PLCB1: variants seen among roughly 807,000 people sequenced by gnomAD.
PLCB1 encodes the protein 1-phosphatidylinositol 4,5-bisphosphate phosphodiesterase beta-1.
A neutral mutation model predicts 161.8 loss-of-function variants in PLCB1; 46 were observed. That is an observed-to-expected ratio of 0.28 (90% CI 0.22 to 0.36). PLCB1 has a LOEUF of 0.36. Ranked by LOEUF, PLCB1 falls within the 10% of genes least tolerant of loss-of-function variation. PLCB1 has a pLI of 1.00. For synonymous variants in PLCB1, 517 were observed against 503.7 expected, an observed-to-expected ratio of 1.03 and a Z score of -0.35; for missense variants, 1,016 against 1,472.5, an observed-to-expected ratio of 0.69 and a Z score of 5.07.
At chr20:8,347,074 G>A (rs540064939) in intron 2 of PLCB1, among the ~76,000 whole-genome samples, 8 of 152,294 alleles carry the variant, frequency 5.3e-5, no homozygotes, top group African/African-American at 1.2e-4. Context: ...CATATTCCCA[G>A]GATAGCCTTA....
At chr20:8,511,674 G>T (rs991453858) in intron 3 of PLCB1, among the ~76,000 whole-genome samples, 1 of 151,880 alleles carries the variant, frequency 6.6e-6, no homozygotes, top group Non-Finnish European at 1.5e-5. Flanking sequence ...CCACATTCTC[G>T]CCAACGTTCG....
chr20:8,834,857 A>G (rs1986213118), intron 31 of PLCB1, among the ~76,000 whole-genome samples: 1 of 151,626 alleles, frequency 6.6e-6, no homozygotes, highest in African/African-American at 2.4e-5. Context: ...GCTGTAGAAT[A>G]AAAAAGAACC....
intron 2 of PLCB1, among the ~76,000 whole-genome samples, chr20:8,309,024 AC>A (rs1392557265): frequency 3.9e-5 from 6 of 152,026 alleles, no homozygotes; most frequent in African/African-American, 1.4e-4. Context: ...GGGAAAAAAA[AC>A]ATTGTAAATT....
At chr20:8,661,970 T>TTATATAATTA (rs1377812427) in intron 9 of PLCB1, among the ~76,000 whole-genome samples, 22 of 125,984 alleles carry the variant, frequency 1.7e-4, no homozygotes, top group Non-Finnish European at 2.8e-4. Flanking sequence ...TAATTATTTA[T>TTATATAATTA]TATATAATTA....
chr20:8,672,229 A>C (rs994849463), intron 9 of PLCB1, among the ~76,000 whole-genome samples: 1 of 152,198 alleles, frequency 6.6e-6, no homozygotes, highest in Non-Finnish European at 1.5e-5. Flanking sequence ...CCATCTATAA[A>C]ATAGTCATAA....
chr20:8,180,938 AGTGT>A (rs10604975), intron 2 of PLCB1, among the ~76,000 whole-genome samples: 4,996 of 149,682 alleles, frequency 0.033, 172 homozygotes, highest in African/African-American at 0.091. Context: ...ATAATGTAAA[AGTGT>A]GTGTGTGTGT....
At chr20:8,665,632 CATA>C (rs1268698643) in intron 9 of PLCB1, among the ~76,000 whole-genome samples, 1 of 152,114 alleles carries the variant, frequency 6.6e-6, no homozygotes, top group Non-Finnish European at 1.5e-5. Flanking sequence ...TAATTATAGT[CATA>C]AGTGTAAGGA....
chr20:8,507,275 A>G (rs183498070), intron 3 of PLCB1, among the ~76,000 whole-genome samples: 66 of 152,300 alleles, frequency 4.3e-4, no homozygotes, highest in African/African-American at 1.6e-3. Flanking sequence ...AAGGCAGAAG[A>G]AAATCAGAAT....
At chr20:8,594,689 A>C (rs557138900) in intron 3 of PLCB1, among the ~76,000 whole-genome samples, 1,981 of 151,958 alleles carry the variant, frequency 0.013, 22 homozygotes, top group Non-Finnish European at 0.02. Flanking sequence ...AGGAAACCAA[A>C]AAAAAAAAAG....
chr20:8,195,466 A>G (rs893764964), intron 2 of PLCB1, among the ~76,000 whole-genome samples: 4 of 152,062 alleles, frequency 2.6e-5, no homozygotes, highest in Admixed American at 6.6e-5. Context: ...ATGGCTTTCT[A>G]TGAACCAGAA....
intron 23 of PLCB1, among the ~76,000 whole-genome samples, chr20:8,746,312 CA>C (rs1220507268): frequency 1.3e-5 from 2 of 152,040 alleles, no homozygotes; most frequent in African/African-American, 4.8e-5. Flanking sequence ...AGTGAAATAT[CA>C]TAACACTTTT....
intron 3 of PLCB1, among the ~76,000 whole-genome samples, chr20:8,582,817 T>C (rs1986874727): frequency 6.6e-6 from 1 of 151,798 alleles, no homozygotes; most frequent in African/African-American, 2.4e-5. Context: ...GTGAGACTCT[T>C]TCTCTACTAA....
intron 3 of PLCB1, among the ~76,000 whole-genome samples, chr20:8,539,629 T>TTTCTTTCTTTCC (rs1344474688): frequency 0.14 from 11,271 of 80,126 alleles, 1,167 homozygotes; most frequent in African/African-American, 0.25. Context: ...TCTTTCTTTC[T>TTTCTTTCTTTCC]TTCTTTCTTT....
At chr20:8,633,055 C>T (rs746246818) in intron 4 of PLCB1, among the ~76,000 whole-genome samples, 2 of 149,740 alleles carry the variant, frequency 1.3e-5, no homozygotes, top group African/African-American at 2.5e-5. Context: ...CTTAGACCAA[C>T]GTGGAATGTG....
In PLCB1 at chr20:8,707,048, G is replaced by T. The variant is rs139267078; in HGVS notation, c.1168-1622G>T. Among the ~76,000 whole-genome samples, 894 of 152,260 alleles carry T rather than the reference G, an allele frequency of 5.9e-3. 6 individuals are homozygous for T. Among genetic ancestry groups the T allele is most frequent in the Middle Eastern group, 0.02 (6 of 294 alleles). ...ATATAGCATTTAAAATCTGGATGTT[G>T]CTTGCCTTTTATAGTGCTTGCTTTT... On this transcript the variant is annotated intron_variant, in intron 11 of 31. Coordinates refer to ENST00000338037, the MANE Select transcript of PLCB1 (RefSeq NM_015192.4).
At chr20:8,316,879 A>T (rs1160759046) in intron 2 of PLCB1, among the ~76,000 whole-genome samples, 1 of 152,136 alleles carries the variant, frequency 6.6e-6, no homozygotes, top group African/African-American at 2.4e-5. Context: ...CACGGCATTT[A>T]TCACCTTCTC....
chr20:8,412,559 C>T (rs1979091016), intron 3 of PLCB1, among the ~76,000 whole-genome samples: 1 of 152,146 alleles, frequency 6.6e-6, no homozygotes, highest in African/African-American at 2.4e-5. Flanking sequence ...ACTAGCTAGG[C>T]CCTGTCTTAG....
At position 8,493,624 on chromosome 20, in the gene PLCB1, G is replaced by A. The variant is rs117717022; in HGVS notation, c.246+122174G>A. Among the ~76,000 whole-genome samples the A allele has an allele frequency of 4.0e-3, 603 of 150,536 alleles. 7 individuals carry two copies. Among genetic ancestry groups the A allele is most frequent in the Non-Finnish European group, 7.0e-3 (470 of 67,130 alleles). On this transcript the variant is annotated intron_variant, in intron 3 of 31. Transcript: ENST00000338037. ...GTAAAGTGAATTTTGAGAGTGCTGT[G>A]TGCTTTAGCATCACTGGAAGCTGAA...
intron 3 of PLCB1, among the ~76,000 whole-genome samples, chr20:8,444,606 T>A (rs1041196906): frequency 1.4e-4 from 22 of 152,342 alleles, no homozygotes; most frequent in African/African-American, 5.3e-4. Context: ...TAGTTCTAGA[T>A]CCTTGAGGAA....
Sources: allele counts gnomAD v4.1 joint callset (sites outside exome capture counted in the v4.1 genomes callset), GRCh38; gene constraint gnomAD v4.1.1; transcripts MANE v1.5; gene names NCBI Gene and HGNC (gene_info 2026-07-23, HGNC 2026-07-21).